Variants in SSC5D observed in about 807,000 individuals in gnomAD.
The protein encoded by SSC5D is soluble scavenger receptor cysteine-rich domain-containing protein SSC5D.
Under a neutral mutation model 104.6 loss-of-function variants are expected in SSC5D, and 106 were observed. The ratio of observed to expected loss-of-function variants is 1.01; its 90% CI spans 0.87 to 1.19. The LOEUF (loss-of-function observed/expected upper bound fraction) is 1.19. Among genes scored for constraint, SSC5D ranks in the 50% most tolerant of loss-of-function variants. The probability of loss-of-function intolerance (pLI) is 0.00; values close to 1 mark genes in which losing one functional copy is unlikely to be tolerated. For missense variants in SSC5D, 1,993 were observed against 2,153.8 expected (o/e 0.93, Z 1.48); for synonymous variants, 860 against 883.5 (o/e 0.97, Z 0.47).
In SSC5D at chr19:55,501,065, G is replaced by T; in HGVS notation, c.2649G>T (p.Trp883Cys). 1 of 1,551,852 alleles carries T rather than the reference G, an allele frequency of 6.4e-7. No homozygotes were observed. The change falls in exon 12 of 14, where the codon TGG becomes TGT. Residue 883 changes from tryptophan to cysteine, a missense_variant. By Grantham distance (215) the Trp-to-Cys change is radical. Around this residue, in one of 6 missense-constraint regions of SSC5D, gnomAD observed 423 missense variants for 409.2 expected, o/e 1.03. Transcript: ENST00000389623. ...GYTDYDDYPP[W>C]TWDPTSREDL... ...CAGACTATGACGATTATCCCCCCTGGACCTGGGACCCCACCTCAAGAGAGG... is the reference window on the plus strand; with the variant it reads ...CAGACTATGACGATTATCCCCCCTGTACCTGGGACCCCACCTCAAGAGAGG...
At chr19:55,502,006 G>A (rs985734245) in intron 12 of SSC5D, among the ~76,000 whole-genome samples, 1 of 152,086 alleles carries the variant, frequency 6.6e-6, no homozygotes, top group Non-Finnish European at 1.5e-5. Flanking sequence ...GGGCCCAAGC[G>A]ATCCTCCTGC....
chr19:55,517,325 C>G lies in SSC5D; in HGVS notation c.3049C>G (p.Pro1017Ala), dbSNP rs1408886746. Residue 1017 changes from proline to alanine, a missense_variant, in exon 14 of 14, where the codon CCC becomes GCC. Transcript: ENST00000389623. ...PSPGPSASPG[P>A]PGPALTSDSS... Reference sequence around the variant, plus strand: ...CCCAGGTCCCTCCGCCTCTCCGGGACCCCCAGGCCCAGCGCTGACCTCTGA... The same window carrying G: ...CCCAGGTCCCTCCGCCTCTCCGGGAGCCCCAGGCCCAGCGCTGACCTCTGA... 4 of 1,549,952 alleles carry G rather than the reference C, an allele frequency of 2.6e-6. No individual in the cohort carries two copies. The highest frequency in any genetic ancestry group is 4.9e-5 in the East Asian group (2 of 40,896).
At chr19:55,493,513 G>T in intron 6 of SSC5D, 82 bp from the exon 7 acceptor site, 5 of 1,224,250 alleles carry the variant, frequency 4.1e-6, no homozygotes, top group Non-Finnish European at 5.4e-6. Context: ...TCATCTTGGG[G>T]TTGCAGCCTG....
chr19:55,511,137 T>C (rs528148725), intron 12 of SSC5D, among the ~76,000 whole-genome samples: 2 of 152,342 alleles, frequency 1.3e-5, no homozygotes, highest in African/African-American at 4.8e-5. Context: ...TAGGATTTTA[T>C]AGCTACCCTT....
chr19:55,490,749 T>C lies in SSC5D; in HGVS notation c.587-23T>C, dbSNP rs1251814849. The C allele has an allele frequency of 6.1e-6, 9 of 1,468,924 alleles. No individual in the cohort carries two copies. The South Asian group carries it at 1.2e-4, about 20-fold the overall frequency. 91.0% of individuals were successfully genotyped at this position (1,468,924 alleles called of 1,614,324 possible). On this transcript the variant is annotated intron_variant, in intron 5 of 13. Transcript: ENST00000389623. ...GAATCATTTCTCACTGGCCACACCG[T>C]CCCCTCCCTGCTCACCCCACAGAGC...
intron 9 of SSC5D, among the ~76,000 whole-genome samples, chr19:55,498,637 T>C (rs1371349077): frequency 6.6e-6 from 1 of 152,218 alleles, no homozygotes; most frequent in Non-Finnish European, 1.5e-5. Context: ...TGTTATTAAA[T>C]TGCAGAGGCT....
In SSC5D at chr19:55,514,596, G is replaced by A. The variant is rs1987829229; in HGVS notation, c.2947+1424G>A. ...AGCCTGGGCAACAGAGAAAGACTCT[G>A]TTAAAAAAAAAAAAAAAAGAGAGAG... On this transcript the variant is annotated intron_variant, in intron 13 of 13. Transcript: ENST00000389623. 3.0e-5 allele frequency among the ~76,000 whole-genome samples: 4 copies of A among 134,104 alleles called. No individual in the cohort carries two copies. The South Asian group carries it at 9.4e-4, about 32-fold the overall frequency. 88.0% of individuals were successfully genotyped at this position (134,104 alleles called of 152,430 possible). A position where few individuals can be genotyped will look rare whatever the true frequency, so the allele number is the denominator to read the frequency against.
chr19:55,493,993 G>GGGGGC, intron 7 of SSC5D, 81 bp downstream of exon 7: 1 of 247,914 alleles, frequency 4.0e-6, no homozygotes, highest in South Asian at 3.1e-5. Flanking sequence ...GGGGCGGGGG[G>GGGGGC]GTCCCTACGC....
chr19:55,490,868 ACC>A lies in SSC5D; in HGVS notation c.684_685del (p.Leu229AlafsTer59), dbSNP rs1396113292. The A allele has an allele frequency of 1.9e-6, 3 of 1,546,520 alleles. No homozygotes were observed. The highest frequency in any genetic ancestry group is 2.6e-6 in the Non-Finnish European group (3 of 1,145,018). Reference sequence around the variant, plus strand: ...GGCACCGTATGTGACGATGGCTGGGACCTGCGCGACGCTGCTGTAGCCTGCCG... The same window carrying A: ...GGCACCGTATGTGACGATGGCTGGGATGCGCGACGCTGCTGTAGCCTGCCG... On this transcript the variant is annotated frameshift_variant, in exon 6 of 14. Transcript: ENST00000389623. LOFTEE classifies it high-confidence loss of function.
In SSC5D at chr19:55,488,573, C is replaced by T. The variant is rs1214336197; in HGVS notation, c.-17C>T. ...TCTCCTTCCCCTTTCACCCCATCCC[C>T]TGCCCTGGCTGCAACCATGAGGGTC... On this transcript the variant is annotated 5_prime_UTR_variant, in exon 1 of 14. Transcript: ENST00000389623. 3 of 1,550,504 alleles carry T rather than the reference C, an allele frequency of 1.9e-6. No individual in the cohort carries two copies. Among genetic ancestry groups the T allele is most frequent in the Non-Finnish European group, 2.6e-6 (3 of 1,146,532 alleles).
chr19:55,504,993 T>TTTTTTTTTTTTTTTTTTTTTTGAG (rs1568481926), intron 12 of SSC5D, among the ~76,000 whole-genome samples: 1 of 151,940 alleles, frequency 6.6e-6, no homozygotes, highest in African/African-American at 2.4e-5. Context: ...TAACCTGTTT[T>TTTTTTTTTTTTTTTTTTTTTTGAG]AAGTGATTTC....
Position 55,490,866 on chromosome 19 carries a change from G to A in SSC5D, c.681G>A (p.Trp227Ter). The A allele has an allele frequency of 6.5e-7, 1 of 1,547,014 alleles. No individual in the cohort carries two copies. The highest frequency in any genetic ancestry group is 8.7e-7 in the Non-Finnish European group (1 of 1,145,218). ...GGGGCACCGTATGTGACGATGGCTG[G>A]GACCTGCGCGACGCTGCTGTAGCCT... ...GRWGTVCDDG[W>*]DLRDAAVACR... is the part of the protein sequence containing the mutation. The change falls in exon 6 of 14, where the codon TGG (tryptophan) becomes TGA (stop). Residue 227 changes from tryptophan to a stop codon, truncating the protein, a stop_gained. Coordinates refer to ENST00000389623, the MANE Select transcript of SSC5D (RefSeq NM_001144950.2). LOFTEE classifies it high-confidence loss of function.
rs898745799 is a variant in SSC5D at position 55,489,364 on chromosome 19, C to T, written c.63C>T (p.Arg21=). The change falls in exon 3 of 14, where the codon CGC becomes CGT. Residue 21 remains arginine (R), a synonymous_variant. Coordinates refer to ENST00000389623, the MANE Select transcript of SSC5D (RefSeq NM_001144950.2). The part of the protein sequence containing the change: ...LVGIQAVERL[R]LADGPHGCAG... ...TCCTCCAACCCTCAGAGCGCCTGCGCCTGGCCGATGGCCCCCATGGGTGCG... is the reference window on the plus strand; with the variant it reads ...TCCTCCAACCCTCAGAGCGCCTGCGTCTGGCCGATGGCCCCCATGGGTGCG... The T allele has an allele frequency of 1.4e-6, 2 of 1,458,964 alleles. No individual in the cohort carries two copies. Among genetic ancestry groups the T allele is most frequent in the East Asian group, 5.3e-5 (2 of 37,480 alleles). 90.4% of individuals were successfully genotyped at this position (1,458,964 alleles called of 1,614,324 possible).
intron 2 of SSC5D, 84 bp downstream of exon 2, chr19:55,489,116 C>A: frequency 1.0e-6 from 1 of 984,622 alleles, no homozygotes; most frequent in Admixed American, 3.5e-5. Flanking sequence ...CTCACCCCCA[C>A]TGGGTCCCCG....
intron 8 of SSC5D, among the ~76,000 whole-genome samples, chr19:55,497,572 T>G (rs1326592398): frequency 6.6e-6 from 1 of 152,224 alleles, no homozygotes; most frequent in Non-Finnish European, 1.5e-5. Context: ...TCTGTGTGAA[T>G]ACCTGTTTTC....
At position 55,517,244 on chromosome 19, in the gene SSC5D, C is replaced by G; in HGVS notation, c.2968C>G (p.Pro990Ala). 6.5e-7 allele frequency: 1 copy of G among 1,540,724 alleles called. No homozygotes were observed. Among genetic ancestry groups the G allele is most frequent in the East Asian group, 2.4e-5 (1 of 40,896 alleles). The change falls in exon 14 of 14, where the codon CCC becomes GCC. Residue 990 changes from proline (P) to alanine (A), a missense_variant. Around this residue, in one of 6 missense-constraint regions of SSC5D, gnomAD observed 423 missense variants for 409.2 expected, o/e 1.03. Transcript: ENST00000389623. Reference sequence around the variant, plus strand: ...TCCAGGTTCCCCGAGGAAACCGTGGCCCGAGCGCCGGCCACCGCGGCCCGC... The same window carrying G: ...TCCAGGTTCCCCGAGGAAACCGTGGGCCGAGCGCCGGCCACCGCGGCCCGC... ...GDTGSPRKPW[P>A]ERRPPRPAAT...
Position 55,493,873 on chromosome 19 carries a change from G to T in SSC5D, c.1174G>T (p.Asp392Tyr). Residue 392 changes from aspartate (D) to tyrosine (Y), a missense_variant, in exon 7 of 14, where the codon GAC (aspartate) becomes TAC (tyrosine). Physicochemically the swap from Asp to Tyr is radical, Grantham distance 160. This residue lies in a region of SSC5D where 1,101 missense variants were observed against 1,085.0 expected (regional missense o/e 1.01). Coordinates refer to ENST00000389623, the MANE Select transcript of SSC5D (RefSeq NM_001144950.2). ...CCCAGCTCGGCCCTGGGGCCAGCATGACTGTCACCACCGCGAGGACGCCGG... is the reference window on the plus strand; with the variant it reads ...CCCAGCTCGGCCCTGGGGCCAGCATTACTGTCACCACCGCGAGGACGCCGG... The part of the protein sequence containing the change: ...FCPARPWGQH[D>Y]CHHREDAGAV... 6.5e-7 allele frequency: 1 copy of T among 1,548,284 alleles called. No individual in the cohort carries two copies.
intron 6 of SSC5D, 56 bp from the exon 7 acceptor site, chr19:55,493,539 G>A: frequency 7.3e-7 from 1 of 1,374,054 alleles, no homozygotes; most frequent in Non-Finnish European, 9.4e-7. Flanking sequence ...GCATAGCTTA[G>A]TCCCCGCTCA....
rs565353814 is a variant in SSC5D, at chr19:55,504,248, C to G, written c.2785+3047C>G. The stretch of plus-strand genomic sequence containing the variant: ...CCGGGCACAGCGGCTGCGGAGACAG[C>G]GGGTCCGGCCTCGGGACCCCTCCCG... On this transcript the variant is annotated intron_variant, in intron 12 of 13. Coordinates refer to ENST00000389623, the MANE Select transcript of SSC5D (RefSeq NM_001144950.2). The G allele has an allele frequency of 4.9e-5, 74 of 1,517,362 alleles. No individual in the cohort carries two copies. In the African/African-American group the frequency reaches 9.2e-4, roughly 19 times the overall value. The allele number at this position is 1,517,362 out of a possible 1,614,324, so 94.0% of individuals were successfully genotyped here. A position where few individuals can be genotyped will look rare whatever the true frequency, so the allele number is the denominator to read the frequency against.
Sources: gnomAD v4.1 joint callset for allele counts (sites outside exome capture counted in the v4.1 genomes callset) on GRCh38, gnomAD v4.1.1 for gene constraint, gnomAD v4.1.1 regional missense constraint, MANE v1.5 for transcripts, NCBI Gene and HGNC (gene_info 2026-07-23, HGNC 2026-07-21) for gene names.